RFX8: variants seen among roughly 807,000 people sequenced by gnomAD.
RFX8 encodes the protein DNA-binding protein RFX8.
Under a neutral mutation model 54.6 loss-of-function variants are expected in RFX8, and 46 were observed. The observed-to-expected ratio is 0.84, with a 90% CI of 0.67 to 1.08. The LOEUF (loss-of-function observed/expected upper bound fraction) is 1.08. Ranked by LOEUF, RFX8 falls within the 50% of genes least tolerant of loss-of-function variation. The probability of loss-of-function intolerance (pLI) is 0.00; values close to 1 mark genes in which losing one functional copy is unlikely to be tolerated. For synonymous variants in RFX8, 192 were observed against 209.5 expected (o/e 0.92, Z 0.72); for missense variants, 536 against 562.3 (o/e 0.95, Z 0.47).
chr2:101,429,505 T>C (rs1368679252), intron 2 of RFX8, among the ~76,000 whole-genome samples: 8 of 152,200 alleles, frequency 5.3e-5, no homozygotes, highest in Non-Finnish European at 8.8e-5. Context: ...GAGAAATTTA[T>C]ACATAATGGA....
intron 2 of RFX8, among the ~76,000 whole-genome samples, chr2:101,453,060 C>T (rs1374979584): frequency 8.4e-5 from 8 of 95,636 alleles, no homozygotes; most frequent in African/African-American, 1.9e-4. Context: ...TGCAGTGAGC[C>T]GAGATCGCAC....
intron 2 of RFX8, among the ~76,000 whole-genome samples, chr2:101,455,342 G>A (rs562736625): frequency 5.1e-4 from 77 of 152,070 alleles, no homozygotes; most frequent in Non-Finnish European, 8.7e-4. Flanking sequence ...GGTTTTTATC[G>A]TTTTAGGTCT....
chr2:101,413,277 G>T (rs7603471), intron 7 of RFX8, among the ~76,000 whole-genome samples: 1 of 152,004 alleles, frequency 6.6e-6, no homozygotes, highest in South Asian at 2.1e-4. Context: ...GAGAAAGAAC[G>T]CATCTCTAGG....
At chr2:101,464,360 A>C (rs1178536637) in intron 2 of RFX8, among the ~76,000 whole-genome samples, 1 of 152,208 alleles carries the variant, frequency 6.6e-6, no homozygotes, top group African/African-American at 2.4e-5. Context: ...AATCCATGTA[A>C]AATATCACTT....
chr2:101,420,490 C>T (rs1048125560), intron 4 of RFX8, among the ~76,000 whole-genome samples: 3 of 152,114 alleles, frequency 2.0e-5, no homozygotes, highest in Non-Finnish European at 4.4e-5. Context: ...GTACAGTGAG[C>T]CGAGATCGCA....
intron 2 of RFX8, chr2:101,435,254 G>T (rs1687713683): frequency 6.6e-6 from 1 of 152,286 alleles, no homozygotes; most frequent in African/African-American, 2.4e-5. Context: ...AGTTTTAGAG[G>T]CTTTTTAAAG....
At chr2:101,463,546 C>T (rs561266792) in intron 2 of RFX8, among the ~76,000 whole-genome samples, 54 of 152,342 alleles carry the variant, frequency 3.5e-4, no homozygotes, top group Admixed American at 1.6e-3. Flanking sequence ...CCTTGCGAGG[C>T]CCCCTGGACA....
intron 2 of RFX8, among the ~76,000 whole-genome samples, chr2:101,461,434 C>T (rs1331941669): frequency 6.6e-6 from 1 of 152,092 alleles, no homozygotes; most frequent in Non-Finnish European, 1.5e-5. Context: ...ATTGAAAAGC[C>T]TTCCTATATG....
At chr2:101,399,661 A>C (rs535874604) in intron 11 of RFX8, among the ~76,000 whole-genome samples, 2 of 152,324 alleles carry the variant, frequency 1.3e-5, no homozygotes, top group East Asian at 3.9e-4. Context: ...ACTACATTCT[A>C]GGAAATAGTC....
At chr2:101,471,109 A>C (rs1477246090) in intron 1 of RFX8, among the ~76,000 whole-genome samples, 1 of 151,634 alleles carries the variant, frequency 6.6e-6, no homozygotes, top group Non-Finnish European at 1.5e-5. Flanking sequence ...TGAGATGGGC[A>C]GATCACCTGA....
chr2:101,429,569 G>A (rs1390394413), intron 2 of RFX8, among the ~76,000 whole-genome samples: 1 of 152,108 alleles, frequency 6.6e-6, no homozygotes, highest in African/African-American at 2.4e-5. Context: ...TTAATCATGG[G>A]CATTCGAGAA....
intron 11 of RFX8, among the ~76,000 whole-genome samples, chr2:101,399,221 G>C (rs1685293453): frequency 6.6e-6 from 1 of 152,220 alleles, no homozygotes; most frequent in East Asian, 1.9e-4. Flanking sequence ...CTGTGCAGCT[G>C]AATGGGTGTT....
chr2:101,469,079 A>AGT (rs1491112126), intron 1 of RFX8, among the ~76,000 whole-genome samples: 8 of 11,090 alleles, frequency 7.2e-4, no homozygotes, highest in Non-Finnish European at 1.5e-3. Context: ...TATATATATA[A>AGT]GTGTATATAT....
chr2:101,472,963 G>C (rs1490063764), intron 1 of RFX8, among the ~76,000 whole-genome samples: 2 of 151,954 alleles, frequency 1.3e-5, no homozygotes, highest in Non-Finnish European at 2.9e-5. Context: ...AGGTCACAGT[G>C]AACCAAGATC....
At chr2:101,455,619 C>A (rs1355757057) in intron 2 of RFX8, among the ~76,000 whole-genome samples, 1 of 152,092 alleles carries the variant, frequency 6.6e-6, no homozygotes, top group Non-Finnish European at 1.5e-5. Context: ...GTTACTGTAG[C>A]CTTGTAGTAT....
At chr2:101,457,768 A>G (rs1220000771) in intron 2 of RFX8, among the ~76,000 whole-genome samples, 2 of 152,144 alleles carry the variant, frequency 1.3e-5, no homozygotes, top group Admixed American at 1.3e-4. Flanking sequence ...ATCCTTGTTA[A>G]CCTTCTAGCT....
intron 2 of RFX8, among the ~76,000 whole-genome samples, chr2:101,423,475 A>G (rs917093677): frequency 1.3e-5 from 2 of 152,130 alleles, no homozygotes; most frequent in Admixed American, 6.5e-5. Flanking sequence ...ACTGCTTTTG[A>G]ATAATTTCCC....
intron 4 of RFX8, 163 bp downstream of exon 4, chr2:101,421,561 A>G: frequency 3.0e-6 from 4 of 1,342,972 alleles, no homozygotes; most frequent in South Asian, 2.2e-5. Context: ...CCAGAACTCA[A>G]TGACTACAAC....
intron 7 of RFX8, among the ~76,000 whole-genome samples, chr2:101,414,122 C>T (rs568532709): frequency 1.3e-5 from 2 of 152,360 alleles, no homozygotes; most frequent in Admixed American, 6.5e-5. Context: ...GCTGAAGTAA[C>T]TGGTGGCCTG....
Sources: allele counts gnomAD v4.1 joint callset (sites outside exome capture counted in the v4.1 genomes callset), GRCh38; gene constraint gnomAD v4.1.1; transcripts MANE v1.5; gene names NCBI Gene and HGNC (gene_info 2026-07-23, HGNC 2026-07-21).